The following RELL1 variants were observed in gnomAD, a reference collection of about 807,000 sequenced individuals.
RELL1 encodes RELT-like protein 1.
A neutral mutation model predicts 23.0 loss-of-function variants in RELL1; 10 were observed. The ratio of observed to expected loss-of-function variants is 0.43; its 90% confidence interval spans 0.27 to 0.74. The LOEUF (loss-of-function observed/expected upper bound fraction) is 0.74. Among genes scored for constraint, RELL1 ranks in the 30% least tolerant of loss-of-function variants. The probability of loss-of-function intolerance (pLI) is 0.19; values close to 1 mark genes in which losing one functional copy is unlikely to be tolerated. For missense variants in RELL1, 315 were observed against 364.4 expected (o/e 0.86, Z 1.10); for synonymous variants, 146 against 146.8 (o/e 0.99, Z 0.04).
intron 1 of RELL1, among the ~76,000 whole-genome samples, chr4:37,679,933 CAGAG>C (rs918258891): frequency 7.9e-5 from 12 of 151,934 alleles, no homozygotes; most frequent in African/African-American, 2.9e-4. Flanking sequence ...GCCTGGGAGA[CAGAG>C]AGAGACTCCA....
intron 6 of RELL1, among the ~76,000 whole-genome samples, chr4:37,605,521 C>T (rs1437056185): frequency 1.3e-5 from 2 of 151,964 alleles, no homozygotes; most frequent in African/African-American, 4.8e-5. Flanking sequence ...GTAGGTGGAT[C>T]ACTTGAGGCC....
rs978165271 is a variant in RELL1, at chr4:37,612,636, CA to C, written c.*709del. Among the ~76,000 whole-genome samples, 1,365 of 60,156 alleles carry C rather than the reference CA, an allele frequency of 0.023. 9 individuals are homozygous for C. Among genetic ancestry groups the C allele is most frequent in the African/African-American group, 0.054 (969 of 18,014 alleles). 39.5% of individuals were successfully genotyped at this position (60,156 alleles called of 152,430 possible). On this transcript the variant is annotated 3_prime_UTR_variant, in exon 7 of 7. Coordinates refer to ENST00000454158, the MANE Select transcript of RELL1 (RefSeq NM_001085400.2). ...TAGGGGACACAGCGAGACTCTGCCT[CA>C]AAAAAAAAAAAAAAAAAACCTTCTC... is the stretch of plus-strand genomic sequence containing the variant.
intron 6 of RELL1, among the ~76,000 whole-genome samples, chr4:37,615,359 T>C (rs1483572019): frequency 2.0e-5 from 3 of 152,258 alleles, no homozygotes; most frequent in African/African-American, 7.2e-5. Context: ...CTTGCAGTTC[T>C]GGTCTCTAAT....
intron 6 of RELL1, among the ~76,000 whole-genome samples, chr4:37,622,659 G>A (rs553339757): frequency 6.6e-6 from 1 of 152,238 alleles, no homozygotes; most frequent in Non-Finnish European, 1.5e-5. Flanking sequence ...AAGGGGACTG[G>A]GAGGTGCAGG....
rs2109228100 is a variant in RELL1 at position 37,611,130 on chromosome 4, A to C, written c.*2216T>G. On this transcript the variant is annotated 3_prime_UTR_variant, in exon 7 of 7. Transcript: ENST00000454158. ...AAAAAAAAGTGCTCTGACTTGAATA[A>C]GATGGAAAAATAATTAAAGCTAAAG... Among the ~76,000 whole-genome samples, 2 of 152,372 alleles carry C rather than the reference A, an allele frequency of 1.3e-5. 1 individual carries two copies. Among genetic ancestry groups the C allele is most frequent in the Middle Eastern group, 6.8e-3 (2 of 294 alleles).
intron 1 of RELL1, among the ~76,000 whole-genome samples, chr4:37,654,802 T>C (rs1358086370): frequency 6.6e-6 from 1 of 152,172 alleles, no homozygotes; most frequent in Non-Finnish European, 1.5e-5. Context: ...AACACTATGA[T>C]CCAATATTGA....
At chr4:37,627,282 C>T (rs956082152) in intron 6 of RELL1, among the ~76,000 whole-genome samples, 1 of 152,056 alleles carries the variant, frequency 6.6e-6, no homozygotes, top group African/African-American at 2.4e-5. Flanking sequence ...CAGAAACATG[C>T]GACACAGAAT....
intron 6 of RELL1, among the ~76,000 whole-genome samples, chr4:37,616,677 T>G (rs1041717758): frequency 6.9e-6 from 1 of 144,794 alleles, no homozygotes; most frequent in African/African-American, 2.7e-5. Context: ...CACTTTTAAA[T>G]AAAATAAATA....
chr4:37,604,844 C>CACACATACACAG (rs1299329457), intron 6 of RELL1, among the ~76,000 whole-genome samples: 2 of 124,638 alleles, frequency 1.6e-5, no homozygotes, highest in East Asian at 2.6e-4. Context: ...CACACAGACA[C>CACACATACACAG]ACACACAGAC....
chr4:37,608,344 T>G (rs2939734), downstream of RELL1, among the ~76,000 whole-genome samples: 28,577 of 152,208 alleles, frequency 0.19, 3,321 homozygotes, highest in Non-Finnish European at 0.26. Context: ...AATAGTTAAG[T>G]TGTGAATGCA....
intron 1 of RELL1, among the ~76,000 whole-genome samples, chr4:37,670,348 T>C (rs1721794119): frequency 6.6e-6 from 1 of 152,166 alleles, no homozygotes; most frequent in African/African-American, 2.4e-5. Context: ...GGAAATCCCT[T>C]AGTAAAGAGA....
downstream of RELL1, among the ~76,000 whole-genome samples, chr4:37,608,813 T>A (rs1719297848): frequency 6.6e-6 from 1 of 152,086 alleles, no homozygotes; most frequent in Non-Finnish European, 1.5e-5. Flanking sequence ...GTATTTTTAG[T>A]GGAGACAGGG....
At chr4:37,631,730 C>G (rs534768000) in intron 5 of RELL1, among the ~76,000 whole-genome samples, 1 of 152,262 alleles carries the variant, frequency 6.6e-6, no homozygotes, top group South Asian at 2.1e-4. Context: ...TTCTACTCAG[C>G]CACATCACAG....
intron 6 of RELL1, among the ~76,000 whole-genome samples, chr4:37,630,235 T>C (rs1469817177): frequency 6.6e-6 from 1 of 151,982 alleles, no homozygotes; most frequent in Non-Finnish European, 1.5e-5. Context: ...GTTGCTCTTT[T>C]ACAAGGGATA....
intron 1 of RELL1, among the ~76,000 whole-genome samples, chr4:37,667,028 G>A (rs1721557970): frequency 6.6e-6 from 1 of 152,086 alleles, no homozygotes; most frequent in Non-Finnish European, 1.5e-5. Flanking sequence ...TTAGAGAAAG[G>A]GCAAAGTAAA....
rs563782330 is a variant in RELL1, at chr4:37,622,881, G to A, written c.*3+8504C>T. On this transcript the variant is annotated intron_variant, in intron 6 of 6. Transcript: ENST00000454158. ...GTGCAGTGGCATGATCTCGGCTCACGGCAACCTCTGCCTCCCGGGTTCAAC... is the reference window on the plus strand; with the variant it reads ...GTGCAGTGGCATGATCTCGGCTCACAGCAACCTCTGCCTCCCGGGTTCAAC... 2.0e-5 allele frequency: 9 copies of A among 444,688 alleles called. 1 individual carries two copies. Among genetic ancestry groups the A allele is most frequent in the South Asian group, 6.3e-5 (4 of 63,628 alleles). 27.5% of individuals were successfully genotyped at this position (444,688 alleles called of 1,614,324 possible).
chr4:37,675,399 G>C (rs1721994277), intron 1 of RELL1, among the ~76,000 whole-genome samples: 2 of 152,072 alleles, frequency 1.3e-5, no homozygotes, highest in Admixed American at 1.3e-4. Flanking sequence ...TCTTCATCTT[G>C]GTTATTCCCT....
At chr4:37,610,027 T>A (rs1719326608), downstream of RELL1, among the ~76,000 whole-genome samples, 1 of 152,244 alleles carries the variant, frequency 6.6e-6, no homozygotes, top group Non-Finnish European at 1.5e-5. The surrounding 1 kb of genome is among the most constrained non-coding windows in gnomAD (Gnocchi z 4.1). Flanking sequence ...GATAAAATGC[T>A]ATCAAACAGT....
chr4:37,668,261 A>G (rs6852325), intron 1 of RELL1, among the ~76,000 whole-genome samples: 145,754 of 147,500 alleles, frequency 0.99, 72,033 homozygotes, highest in South Asian at 1. Context: ...TCCCTCTGAT[A>G]CCGAGCCGAA....
Sources: allele counts gnomAD v4.1 joint callset (sites outside exome capture counted in the v4.1 genomes callset), GRCh38; gene constraint gnomAD v4.1.1; non-coding constraint Gnocchi (gnomAD v3.1); transcripts MANE v1.5; gene names NCBI Gene and HGNC (gene_info 2026-07-23, HGNC 2026-07-21).